The following WDR20 variants were observed in gnomAD, a reference collection of about 807,000 sequenced individuals.
WDR20 encodes the protein WD repeat domain 20, also known as WD repeat-containing protein 20.
WDR20 carries 3 observed loss-of-function variants against 38.7 expected under a neutral mutation model. That is an observed-to-expected ratio of 0.08 (90% CI 0.04 to 0.20). The LOEUF (loss-of-function observed/expected upper bound fraction) is 0.20, where lower values mean the gene tolerates loss of function less well. Ranked by LOEUF, WDR20 falls within the 10% of genes least tolerant of loss-of-function variation. The pLI, the probability that WDR20 is intolerant of heterozygous loss-of-function variation, is 1.00. For synonymous variants in WDR20, 298 were observed against 285.6 expected (o/e 1.04, Z -0.44); for missense variants, 559 against 727.7 (o/e 0.77, Z 2.67).
rs187257858 is a variant in WDR20, at chr14:102,158,463, A to G, written c.249+18291A>G. Among the ~76,000 whole-genome samples, 663 of 152,012 alleles carry G rather than the reference A, an allele frequency of 4.4e-3. 3 individuals are homozygous for G. The highest frequency in any genetic ancestry group is 6.7e-3 in the Non-Finnish European group (455 of 67,968). ...CAGGCATGTACCACCACGCCTGGCTAATTTTTGTATTTTAAATAGAGACGG... is the reference window on the plus strand; with the variant it reads ...CAGGCATGTACCACCACGCCTGGCTGATTTTTGTATTTTAAATAGAGACGG... On this transcript the variant is annotated intron_variant, in intron 1 of 2. Transcript: ENST00000342702.
chr14:102,224,037 ATTTTTT>A (rs533802492), downstream of WDR20, among the ~76,000 whole-genome samples: 640 of 123,130 alleles, frequency 5.2e-3, 5 homozygotes, highest in African/African-American at 0.018. Context: ...TTTACCTGAG[ATTTTTT>A]TTTTTTTTTT....
At chr14:102,195,976 A>G (rs1372162894) in intron 2 of WDR20, 1 of 152,262 alleles carries the variant, frequency 6.6e-6, no homozygotes, top group Non-Finnish European at 1.5e-5. Context: ...CGCAAGGGTC[A>G]GGCTATGTGG....
intron 2 of WDR20, among the ~76,000 whole-genome samples, chr14:102,205,401 A>G (rs2061353780): frequency 6.6e-6 from 1 of 152,206 alleles, no homozygotes; most frequent in African/African-American, 2.4e-5. Context: ...GGAGAGAGAA[A>G]TGAGAAACTA....
chr14:102,164,250 C>T (rs1455465668), intron 1 of WDR20, among the ~76,000 whole-genome samples: 2 of 152,168 alleles, frequency 1.3e-5, no homozygotes, highest in African/African-American at 2.4e-5. Flanking sequence ...ATTGACTTCC[C>T]AGCCACTTTT....
rs539393475 is a variant in WDR20 at position 102,153,598 on chromosome 14, G to T, written c.249+13426G>T. ...TGGGATTACAGGCGTGAGCCACCGC[G>T]CCCGGCCACCTCTTTCTTTATAAAT... On this transcript the variant is annotated intron_variant, in intron 1 of 2. Transcript: ENST00000342702. Among the ~76,000 whole-genome samples, 15 of 152,134 alleles carry T rather than the reference G, an allele frequency of 9.9e-5. No homozygotes were observed. The South Asian group carries it at 3.1e-3, about 32-fold the overall frequency.
intron 2 of WDR20, among the ~76,000 whole-genome samples, chr14:102,195,547 T>A (rs1406980295): frequency 6.6e-6 from 1 of 152,386 alleles, no homozygotes; most frequent in East Asian, 1.9e-4. Context: ...TGTTTGACAG[T>A]CATTTGGCTA....
chr14:102,182,974 T>TG (rs199780981), intron 1 of WDR20, among the ~76,000 whole-genome samples: 6,516 of 151,708 alleles, frequency 0.043, 171 homozygotes, highest in Non-Finnish European at 0.061. Context: ...TGAGGCAGGG[T>TG]AATCACATGA....
intron 1 of WDR20, among the ~76,000 whole-genome samples, chr14:102,191,736 T>C (rs1298330909): frequency 6.6e-6 from 1 of 152,188 alleles, no homozygotes; most frequent in African/African-American, 2.4e-5. Flanking sequence ...GTTTGGTCAG[T>C]GCCACTGGAA....
In WDR20 at chr14:102,194,978, A is replaced by G. The variant is rs1179313180; in HGVS notation, c.290A>G (p.Lys97Arg). 3.7e-6 allele frequency: 6 copies of G among 1,614,100 alleles called. No individual in the cohort carries two copies. Among genetic ancestry groups the G allele is most frequent in the Non-Finnish European group, 5.1e-6 (6 of 1,180,050 alleles). Residue 97 changes from lysine to arginine, a missense_variant, in exon 2 of 3, where the codon AAA becomes AGA. Lys to Arg is a conservative substitution (Grantham distance 26). Coordinates refer to ENST00000342702, the MANE Select transcript of WDR20 (RefSeq NM_144574.4). ...AAACCAATAGATAAAAGGATATACA[A>G]AGGAACACAGCCTACTTGTCATGAC... ...LSKPIDKRIY[K>R]GTQPTCHDFN...
rs533581491 is a variant in WDR20, at chr14:102,206,794, A to G, written c.433-1809A>G. On this transcript the variant is annotated intron_variant, in intron 2 of 2. Coordinates refer to ENST00000342702, the MANE Select transcript of WDR20 (RefSeq NM_144574.4). ...CTGGGGTAGTCTGGGCCCAGTGGGC[A>G]CAGCAAGGTCTGGCAGAGCTGTGAT... 1.2e-4 allele frequency among the ~76,000 whole-genome samples: 19 copies of G among 152,280 alleles called. No homozygotes were observed. The South Asian group carries it at 3.9e-3, about 32-fold the overall frequency.
intron 2 of WDR20, among the ~76,000 whole-genome samples, chr14:102,200,156 G>A (rs368174903): frequency 6.6e-6 from 1 of 152,224 alleles, no homozygotes; most frequent in African/African-American, 2.4e-5. Flanking sequence ...AAAGAAAGTC[G>A]AATGCCCAGT....
chr14:102,222,012 T>C lies in WDR20; in HGVS notation c.1693-818T>C, dbSNP rs181923941. ...AATGCAAAGAAATGGAAGTACTCTT[T>C]GCTGTGTAGGAGGTTAAACCCTCTT... is the stretch of plus-strand genomic sequence containing the variant. On this transcript the variant is annotated intron_variant, in intron 3 of 3. Transcript: ENST00000335263. This position sits in a 1 kb window ranked among gnomAD's most constrained non-coding sequence, Gnocchi z 4.4. 9.8e-5 allele frequency among the ~76,000 whole-genome samples: 15 copies of C among 152,332 alleles called. No individual in the cohort carries two copies. The highest frequency in any genetic ancestry group is 3.6e-4 in the African/African-American group (15 of 41,568).
chr14:102,186,649 T>G lies in WDR20; in HGVS notation c.250-8289T>G, dbSNP rs948703538. Among the ~76,000 whole-genome samples the G allele has an allele frequency of 2.6e-5, 4 of 152,080 alleles. No homozygotes were observed. In the Middle Eastern group the frequency reaches 0.01, roughly 388 times the overall value. On this transcript the variant is annotated intron_variant, in intron 1 of 2. Transcript: ENST00000342702. ...AGGCACTAGCAGCCCCAAGCCTGAC[T>G]AGGTTAAAAGTTCCACCAAGGGCCG... is the stretch of plus-strand genomic sequence containing the variant.
chr14:102,183,402 T>A (rs2063831947), intron 1 of WDR20, among the ~76,000 whole-genome samples: 2 of 152,378 alleles, frequency 1.3e-5, no homozygotes, highest in South Asian at 4.1e-4. Flanking sequence ...ATGTTTAATG[T>A]TCTCTCACTC....
Position 102,149,140 on chromosome 14 carries a change from C to T in WDR20, c.249+8968C>T, listed in dbSNP as rs538844669. On this transcript the variant is annotated intron_variant, in intron 1 of 2. Transcript: ENST00000342702. ...TCGTGCCACTGCACTCCAGCCTGGG[C>T]GACAGAGTGAGACTCTCTCAAAACA... 9.8e-4 allele frequency among the ~76,000 whole-genome samples: 149 copies of T among 152,146 alleles called. 2 individuals carry two copies. Among genetic ancestry groups the T allele is most frequent in the Admixed American group, 9.6e-3 (146 of 15,280 alleles).
At position 102,143,621 on chromosome 14, in the gene WDR20, T is replaced by C. The variant is rs552865345; in HGVS notation, c.249+3449T>C. Among the ~76,000 whole-genome samples, 3 of 151,966 alleles carry C rather than the reference T, an allele frequency of 2.0e-5. No individual in the cohort carries two copies. In the East Asian group the frequency reaches 5.9e-4, roughly 30 times the overall value. ...GTGCAGTGGCACAATCTCGGCTCAC[T>C]GCAACCTCTGCCTCCTAGGTTCAAG... On this transcript the variant is annotated intron_variant, in intron 1 of 2. Coordinates refer to ENST00000342702, the MANE Select transcript of WDR20 (RefSeq NM_144574.4).
chr14:102,209,241 T>G lies in WDR20; in HGVS notation c.1071T>G (p.Ser357=). The change falls in exon 3 of 3, where the codon TCT becomes TCG. Residue 357 remains serine, a synonymous_variant. Transcript: ENST00000342702. The surrounding 1 kb of genome is among the most constrained non-coding windows in gnomAD (Gnocchi z 6.0). The part of the protein sequence containing the change: ...STQSRLSKRN[S]TDSRPVSVTY... Reference sequence around the variant, plus strand: ...AGTCCAGGCTCTCCAAACGGAACTCTACAGACAGCCGCCCCGTAAGTGTCA... The same window carrying G: ...AGTCCAGGCTCTCCAAACGGAACTCGACAGACAGCCGCCCCGTAAGTGTCA... 6.2e-7 allele frequency: 1 copy of G among 1,614,066 alleles called. No homozygotes were observed. Among genetic ancestry groups the G allele is most frequent in the Non-Finnish European group, 8.5e-7 (1 of 1,179,942 alleles).
At position 102,174,227 on chromosome 14, in the gene WDR20, G is replaced by A. The variant is rs140831978; in HGVS notation, c.250-20711G>A. Among the ~76,000 whole-genome samples, 689 of 152,078 alleles carry A rather than the reference G, an allele frequency of 4.5e-3. 6 individuals carry two copies. The highest frequency in any genetic ancestry group is 0.015 in the African/African-American group (638 of 41,470). The stretch of plus-strand genomic sequence containing the variant: ...ATGCATGTGCAAGTGTCTTTTTCAT[G>A]TAATGACTTCTTTTCCTCTGGGTAG... On this transcript the variant is annotated intron_variant, in intron 1 of 2. Coordinates refer to ENST00000342702, the MANE Select transcript of WDR20 (RefSeq NM_144574.4).
At chr14:102,188,815 G>A (rs2152919932) in intron 1 of WDR20, among the ~76,000 whole-genome samples, 1 of 147,870 alleles carries the variant, frequency 6.8e-6, no homozygotes, top group East Asian at 2.0e-4. Context: ...TGAGGCTGTA[G>A]TGAGCTGTAT....
Sources: gnomAD v4.1 joint callset for allele counts (sites outside exome capture counted in the v4.1 genomes callset) on GRCh38, gnomAD v4.1.1 for gene constraint, Gnocchi (gnomAD v3.1) non-coding constraint, MANE v1.5 for transcripts, NCBI Gene and HGNC (gene_info 2026-07-23, HGNC 2026-07-21) for gene names.